Variants in SLC15A1 observed in about 807,000 individuals in gnomAD.
SLC15A1 encodes solute carrier family 15 member 1.
SLC15A1 carries 83 observed loss-of-function variants against 92.9 expected under a neutral mutation model. That is an observed-to-expected ratio of 0.89 (90% CI 0.75 to 1.07). SLC15A1 has a LOEUF of 1.07. Among genes scored for constraint, SLC15A1 ranks in the 50% least tolerant of loss-of-function variants. The pLI is 0.00. For synonymous variants in SLC15A1, 322 were observed against 318.2 expected (o/e 1.01, Z -0.13); for missense variants, 857 against 880.1 (o/e 0.97, Z 0.33).
chr13:98,696,753 G>A (rs906475857), intron 18 of SLC15A1, among the ~76,000 whole-genome samples: 2 of 152,142 alleles, frequency 1.3e-5, no homozygotes, highest in East Asian at 1.9e-4. Flanking sequence ...GAATGGTGTC[G>A]CTCTCAAATT....
chr13:98,727,882 T>A (rs1379979458), intron 1 of SLC15A1, among the ~76,000 whole-genome samples: 1 of 152,090 alleles, frequency 6.6e-6, no homozygotes, highest in Non-Finnish European at 1.5e-5. Context: ...CCACCTCCAT[T>A]AGGAATCTAG....
At chr13:98,713,559 T>G (rs2088184847) in intron 9 of SLC15A1, among the ~76,000 whole-genome samples, 1 of 152,294 alleles carries the variant, frequency 6.6e-6, no homozygotes, top group South Asian at 2.1e-4. Flanking sequence ...ATTAAGGCTA[T>G]AGGGAAACAT....
intron 8 of SLC15A1, among the ~76,000 whole-genome samples, chr13:98,716,629 T>C (rs964593143): frequency 6.6e-6 from 1 of 151,586 alleles, no homozygotes; most frequent in Non-Finnish European, 1.5e-5. Flanking sequence ...ATCAAAATAA[T>C]AAAAATAAAA....
intron 1 of SLC15A1, among the ~76,000 whole-genome samples, chr13:98,732,259 T>A (rs2088357048): frequency 2.6e-5 from 4 of 152,206 alleles, no homozygotes. Flanking sequence ...GTCCCTTGTG[T>A]TGAACTATGA....
At chr13:98,751,941 A>T (rs2088549473) in intron 1 of SLC15A1, among the ~76,000 whole-genome samples, 1 of 152,184 alleles carries the variant, frequency 6.6e-6, no homozygotes, top group South Asian at 2.1e-4. Flanking sequence ...GCTTCCGTTC[A>T]TTCTCTCTGG....
chr13:98,752,429 G>A (rs117164030), intron 1 of SLC15A1, among the ~76,000 whole-genome samples, 166 bp downstream of exon 1: 1 of 152,162 alleles, frequency 6.6e-6, no homozygotes, highest in East Asian at 1.9e-4. Flanking sequence ...TGACCACCCG[G>A]GAGGGGATCC....
chr13:98,684,817 G>A lies in SLC15A1; in HGVS notation c.2034C>T (p.Ile678=), dbSNP rs181189989. ...TTTCATCCTCATCAAATTGAGCTTC[G>A]ATCTCCGCTGGGTTGATGTAAGTAT... ...RFYTYINPAE[I]EAQFDEDEKK... is the part of the protein sequence containing the mutation. The change falls in exon 23 of 23, where the codon ATC becomes ATT. Residue 678 remains isoleucine (I), a synonymous_variant. Transcript: ENST00000376503. 426 of 1,613,958 alleles carry A rather than the reference G, an allele frequency of 2.6e-4. No homozygotes were observed. Among genetic ancestry groups the A allele is most frequent in the Admixed American group, 1.7e-4 (10 of 60,006 alleles).
intron 1 of SLC15A1, among the ~76,000 whole-genome samples, chr13:98,739,150 T>C (rs2088419678): frequency 6.6e-6 from 1 of 152,268 alleles, no homozygotes; most frequent in African/African-American, 2.4e-5. Context: ...TGGGAATGTT[T>C]ACCCAATGCC....
Position 98,705,914 on chromosome 13 carries a change from T to G in SLC15A1, c.1269+220A>C, listed in dbSNP as rs367589783. 8.5e-3 allele frequency among the ~76,000 whole-genome samples: 1,276 copies of G among 150,436 alleles called. 11 individuals carry two copies. The highest frequency in any genetic ancestry group is 0.021 in the Middle Eastern group (6 of 292). ...CATCTAAAAAAAAAAAAAAAAAAATTCTGCATTTTAACCAGCTCCCTGGGC... is the reference window on the plus strand; with the variant it reads ...CATCTAAAAAAAAAAAAAAAAAAATGCTGCATTTTAACCAGCTCCCTGGGC... On this transcript the variant is annotated intron_variant, in intron 16 of 22. Coordinates refer to ENST00000376503, the MANE Select transcript of SLC15A1 (RefSeq NM_005073.4).
rs1212556978 is a variant in SLC15A1 at position 98,721,588 on chromosome 13, G to T, written c.466-3C>A. The T allele has an allele frequency of 6.3e-7, 1 of 1,586,734 alleles. No individual in the cohort carries two copies. The highest frequency in any genetic ancestry group is 1.1e-5 in the South Asian group (1 of 88,936). On this transcript the variant is annotated splice_region_variant and splice_polypyrimidine_tract_variant and intron_variant, in intron 6 of 22. Transcript: ENST00000376503. ...AAAAATCTGTTTCTTTGTTTCTCCT[G>T]CAATGAAAAGGAGAAAGTAAGATGA...
At chr13:98,722,048 G>T in intron 5 of SLC15A1, 145 bp from the exon 6 acceptor site, 1 of 586,280 alleles carries the variant, frequency 1.7e-6, no homozygotes, top group Non-Finnish European at 2.9e-6. Flanking sequence ...TCACAGGAAT[G>T]CAGCGTGATA....
Position 98,686,177 on chromosome 13 carries a change from T to G in SLC15A1, c.1935+13A>C, listed in dbSNP as rs1318089285. On this transcript the variant is annotated intron_variant, in intron 22 of 22. Transcript: ENST00000376503. The stretch of plus-strand genomic sequence containing the variant: ...AGACAGAGGTATGTGCAATCTCCTC[T>G]CCCACGCCATACCTGTTTGCTGAAC... The G allele has an allele frequency of 6.3e-7, 1 of 1,593,584 alleles. No individual in the cohort carries two copies. Among genetic ancestry groups the G allele is most frequent in the Admixed American group, 1.7e-5 (1 of 59,782 alleles).
chr13:98,748,253 TCTCA>T (rs746632606), intron 1 of SLC15A1, among the ~76,000 whole-genome samples: 3 of 152,302 alleles, frequency 2.0e-5, no homozygotes, highest in Middle Eastern at 6.8e-3. Flanking sequence ...CACATTCATT[TCTCA>T]CTCCTATTCA....
In SLC15A1 at chr13:98,686,173, C is replaced by A; in HGVS notation, c.1935+17G>T. On this transcript the variant is annotated intron_variant, in intron 22 of 22. Coordinates refer to ENST00000376503, the MANE Select transcript of SLC15A1 (RefSeq NM_005073.4). ...GGAAAGACAGAGGTATGTGCAATCT[C>A]CTCTCCCACGCCATACCTGTTTGCT... 1 of 1,581,290 alleles carries A rather than the reference C, an allele frequency of 6.3e-7. No homozygotes were observed. The highest frequency in any genetic ancestry group is 1.1e-5 in the South Asian group (1 of 89,742).
chr13:98,740,790 A>G (rs930279619), intron 1 of SLC15A1, among the ~76,000 whole-genome samples: 1 of 152,172 alleles, frequency 6.6e-6, no homozygotes, highest in Non-Finnish European at 1.5e-5. Context: ...GTGGTGGGAA[A>G]GAGGAAGGAT....
intron 18 of SLC15A1, among the ~76,000 whole-genome samples, chr13:98,699,807 C>T (rs149473541): frequency 7.1e-4 from 108 of 152,306 alleles, no homozygotes; most frequent in African/African-American, 2.1e-3. Flanking sequence ...ATTATTACAG[C>T]CACCTGATAG....
At chr13:98,721,069 A>T (rs765935050) in intron 7 of SLC15A1, 18 of 463,440 alleles carry the variant, frequency 3.9e-5, no homozygotes, top group Non-Finnish European at 6.2e-5. Flanking sequence ...AACAAAACAA[A>T]CAAAAAATCA....
At chr13:98,708,002 G>T (rs113327278) in intron 15 of SLC15A1, among the ~76,000 whole-genome samples, 13 of 149,396 alleles carry the variant, frequency 8.7e-5, no homozygotes, top group African/African-American at 3.2e-4. Context: ...TAAAAGAGCT[G>T]CTCTGCCTGT....
chr13:98,710,563 T>A (rs1337207940), intron 11 of SLC15A1, among the ~76,000 whole-genome samples: 1 of 151,970 alleles, frequency 6.6e-6, no homozygotes, highest in Non-Finnish European at 1.5e-5. Context: ...CACCTATAAT[T>A]CCAGCACTTT....
Sources: gnomAD v4.1 joint callset for allele counts (sites outside exome capture counted in the v4.1 genomes callset) on GRCh38, gnomAD v4.1.1 for gene constraint, MANE v1.5 for transcripts, NCBI Gene and HGNC (gene_info 2026-07-23, HGNC 2026-07-21) for gene names.